PRKN: variants seen among roughly 807,000 people sequenced by gnomAD.
The protein encoded by PRKN is E3 ubiquitin-protein ligase parkin.
In PRKN, 56 loss-of-function variants were observed where a neutral mutation model predicts 59.5. The observed-to-expected ratio is 0.94, with a 90% CI of 0.76 to 1.18. The LOEUF (loss-of-function observed/expected upper bound fraction) is 1.18, where lower values mean the gene tolerates loss of function less well. Among genes scored for constraint, PRKN ranks in the 50% most tolerant of loss-of-function variants. The pLI, the probability that PRKN is intolerant of heterozygous loss-of-function variation, is 0.00. For missense variants in PRKN, 657 were observed against 596.4 expected, an observed-to-expected ratio of 1.10 and a Z score of -1.06; for synonymous variants, 250 against 222.1, an observed-to-expected ratio of 1.13 and a Z score of -1.12.
At chr6:162,547,366 G>A (rs953334199) in intron 1 of PRKN, among the ~76,000 whole-genome samples, 2 of 152,128 alleles carry the variant, frequency 1.3e-5, no homozygotes, top group Non-Finnish European at 2.9e-5. Flanking sequence ...TCATGTTACA[G>A]CCAAATTTTA....
chr6:162,097,050 G>A (rs1779773635), intron 4 of PRKN, among the ~76,000 whole-genome samples: 1 of 151,726 alleles, frequency 6.6e-6, no homozygotes, highest in South Asian at 2.1e-4. Flanking sequence ...CTAATTATTT[G>A]TGTTTTTAGT....
intron 4 of PRKN, among the ~76,000 whole-genome samples, chr6:162,174,156 C>T (rs1193927208): frequency 6.6e-6 from 1 of 152,240 alleles, no homozygotes; most frequent in East Asian, 1.9e-4. Flanking sequence ...GGTAGAATTC[C>T]TGAAGTTATA....
rs185774347 is a variant in PRKN at position 161,480,770 on chromosome 6, C to A, written c.1083+68084G>T. Among the ~76,000 whole-genome samples the A allele has an allele frequency of 6.6e-6, 1 of 152,332 alleles. No homozygotes were observed. Among genetic ancestry groups the A allele is most frequent in the African/African-American group, 2.4e-5 (1 of 41,566 alleles). On this transcript the variant is annotated intron_variant, in intron 9 of 11. Transcript: ENST00000366898. This position sits in a 1 kb window ranked among gnomAD's most constrained non-coding sequence, Gnocchi z 4.1. ...TATAATTAGTAATTTCAGGCCTTAT[C>A]TGAAATACCTGCCTCAGCACATGCT...
rs960499246 is a variant in PRKN at position 161,546,140 on chromosome 6, A to G, written c.1083+2714T>C. Among the ~76,000 whole-genome samples, 3 of 152,216 alleles carry G rather than the reference A, an allele frequency of 2.0e-5. No individual in the cohort carries two copies. The highest frequency in any genetic ancestry group is 7.2e-5 in the African/African-American group (3 of 41,460). On this transcript the variant is annotated intron_variant, in intron 9 of 11. Coordinates refer to ENST00000366898, the MANE Select transcript of PRKN (RefSeq NM_004562.3). This position sits in a 1 kb window ranked among gnomAD's most constrained non-coding sequence, Gnocchi z 4.4. ...GTTTTTGGGTGAGCTTTGGATAAAT[A>G]TTCATTAAGCTTTTGATTAAATATT... is the stretch of plus-strand genomic sequence containing the variant.
At chr6:161,512,902 C>T (rs1204987861) in intron 9 of PRKN, among the ~76,000 whole-genome samples, 2 of 152,156 alleles carry the variant, frequency 1.3e-5, no homozygotes, top group East Asian at 1.9e-4. Flanking sequence ...AAACAATATC[C>T]GTGCTGATGA....
intron 2 of PRKN, among the ~76,000 whole-genome samples, chr6:162,415,922 A>T (rs1788609451): frequency 6.6e-6 from 1 of 152,156 alleles, no homozygotes; most frequent in South Asian, 2.1e-4. Flanking sequence ...ACTCAGCAAC[A>T]CTCGTTAATA....
chr6:161,746,557 T>TA (rs1562651195), intron 7 of PRKN, among the ~76,000 whole-genome samples: 1 of 144,906 alleles, frequency 6.9e-6, no homozygotes, highest in Non-Finnish European at 1.5e-5. Flanking sequence ...ATCTATTTTT[T>TA]TATATATATA....
At chr6:161,615,491 T>G (rs901563538) in intron 7 of PRKN, among the ~76,000 whole-genome samples, 1 of 151,978 alleles carries the variant, frequency 6.6e-6, no homozygotes, top group Non-Finnish European at 1.5e-5. Flanking sequence ...AACAGCAGAG[T>G]GTCGATGAAG....
rs935178602 is a variant in PRKN at position 161,394,606 on chromosome 6, T to C, written c.1084-7729A>G. On this transcript the variant is annotated intron_variant, in intron 9 of 11. Coordinates refer to ENST00000366898, the MANE Select transcript of PRKN (RefSeq NM_004562.3). ...ATCATCATGCGCGTGCACGTAACCA[T>C]CCCATCTTTCAGTTGTGCAGTCTGC... is the stretch of plus-strand genomic sequence containing the variant. 7.2e-5 allele frequency among the ~76,000 whole-genome samples: 11 copies of C among 152,202 alleles called. 1 individual carries two copies. The East Asian group carries it at 1.9e-3, about 27-fold the overall frequency.
At chr6:161,960,123 C>G (rs1369726195) in intron 6 of PRKN, among the ~76,000 whole-genome samples, 2 of 152,202 alleles carry the variant, frequency 1.3e-5, no homozygotes, top group Non-Finnish European at 2.9e-5. Context: ...GCTGTGCTAA[C>G]TTGGCTCCCC....
At chr6:161,431,166 C>G (rs1438184479) in intron 9 of PRKN, among the ~76,000 whole-genome samples, 1 of 150,958 alleles carries the variant, frequency 6.6e-6, no homozygotes, top group Non-Finnish European at 1.5e-5. Flanking sequence ...ATATTGACTG[C>G]TAAAATCTAC....
intron 2 of PRKN, among the ~76,000 whole-genome samples, chr6:162,298,453 C>T (rs1193577041): frequency 6.6e-6 from 1 of 151,992 alleles, no homozygotes; most frequent in African/African-American, 2.4e-5. Flanking sequence ...CTTCAGCCTC[C>T]TATCTGAGGG....
At chr6:162,356,345 C>T (rs1230151790) in intron 2 of PRKN, among the ~76,000 whole-genome samples, 5 of 151,908 alleles carry the variant, frequency 3.3e-5, no homozygotes, top group African/African-American at 9.7e-5. Flanking sequence ...CCACCCCCAT[C>T]CCATTTCTTC....
chr6:162,391,635 C>CTGCA (rs1482000160), intron 2 of PRKN, among the ~76,000 whole-genome samples: 1 of 152,174 alleles, frequency 6.6e-6, no homozygotes, highest in Admixed American at 6.5e-5. Context: ...AATTTTCTTA[C>CTGCA]TGCACATGCT....
At chr6:161,653,547 T>C (rs975254117) in intron 7 of PRKN, among the ~76,000 whole-genome samples, 13 of 152,186 alleles carry the variant, frequency 8.5e-5, no homozygotes, top group Admixed American at 7.2e-4. Flanking sequence ...TCCGGGTGCG[T>C]GCCATGAATT....
intron 1 of PRKN, among the ~76,000 whole-genome samples, chr6:162,698,445 T>C (rs1440674472): frequency 6.6e-6 from 1 of 152,156 alleles, no homozygotes; most frequent in Non-Finnish European, 1.5e-5. Context: ...TTTCTTCCTC[T>C]TTGTCTTCCT....
At chr6:161,913,492 A>G (rs1302922481) in intron 6 of PRKN, among the ~76,000 whole-genome samples, 1 of 152,220 alleles carries the variant, frequency 6.6e-6, no homozygotes, top group East Asian at 1.9e-4. Context: ...GGATTGGAAG[A>G]TATTTAAAAG....
At chr6:162,041,266 A>G (rs1377675440) in intron 5 of PRKN, among the ~76,000 whole-genome samples, 1 of 152,198 alleles carries the variant, frequency 6.6e-6, no homozygotes, top group Non-Finnish European at 1.5e-5. Context: ...ATCATGGTTC[A>G]TAGTCTACTG....
intron 1 of PRKN, among the ~76,000 whole-genome samples, chr6:162,480,534 T>C (rs1275762103): frequency 6.6e-6 from 1 of 152,088 alleles, no homozygotes; most frequent in African/African-American, 2.4e-5. Flanking sequence ...CCAGTTGACA[T>C]GACTGAAAAG....
Sources: allele counts gnomAD v4.1 joint callset (sites outside exome capture counted in the v4.1 genomes callset), GRCh38; gene constraint gnomAD v4.1.1; non-coding constraint Gnocchi (gnomAD v3.1); transcripts MANE v1.5; gene names NCBI Gene and HGNC (gene_info 2026-07-23, HGNC 2026-07-21).